Variants in NKAIN3 observed in about 807,000 individuals in gnomAD.
The protein encoded by NKAIN3 is sodium/potassium transporting ATPase interacting 3, also known as sodium/potassium-transporting ATPase subunit beta-1-interacting protein 3.
In NKAIN3, 25 loss-of-function variants were observed where a neutral mutation model predicts 30.2. That is an observed-to-expected ratio of 0.83 (90% confidence interval 0.60 to 1.16). The LOEUF is 1.16. Among genes scored for constraint, NKAIN3 ranks in the 50% most tolerant of loss-of-function variants. The pLI is 0.00. For missense variants in NKAIN3, 225 were observed against 254.1 expected, an observed-to-expected ratio of 0.89 and a Z score of 0.78; for synonymous variants, 91 against 89.6, an observed-to-expected ratio of 1.02 and a Z score of -0.09.
chr8:62,306,328 G>A (rs1229542190), intron 1 of NKAIN3, among the ~76,000 whole-genome samples: 4 of 149,886 alleles, frequency 2.7e-5, no homozygotes, highest in Non-Finnish European at 5.9e-5. Context: ...AAGGGGAGGT[G>A]GGCAGTAATT....
In NKAIN3 at chr8:62,967,032, A is replaced by G. The variant is rs920560354; in HGVS notation, c.*1625A>G. 2.0e-5 allele frequency among the ~76,000 whole-genome samples: 3 copies of G among 152,216 alleles called. No individual in the cohort carries two copies. The highest frequency in any genetic ancestry group is 4.4e-5 in the Non-Finnish European group (3 of 68,038). ...AGACCTAATTTACTCACTAGCCTCC[A>G]GATTTTACCCCTTTAATCCATTGGT... On this transcript the variant is annotated 3_prime_UTR_variant, in exon 7 of 7. Transcript: ENST00000623646.
intron 4 of NKAIN3, among the ~76,000 whole-genome samples, chr8:62,846,993 C>T (rs1200458435): frequency 1.3e-5 from 2 of 152,144 alleles, no homozygotes; most frequent in East Asian, 3.9e-4. Context: ...CAGAAACTGC[C>T]CCCGTGATTC....
chr8:62,933,162 G>C (rs1822673292), intron 5 of NKAIN3, among the ~76,000 whole-genome samples: 1 of 152,064 alleles, frequency 6.6e-6, no homozygotes, highest in Non-Finnish European at 1.5e-5. Flanking sequence ...AGTTTTCTTT[G>C]AACAGCAATT....
At chr8:62,803,848 A>C (rs1312029397) in intron 4 of NKAIN3, among the ~76,000 whole-genome samples, 1 of 152,234 alleles carries the variant, frequency 6.6e-6, no homozygotes, top group Non-Finnish European at 1.5e-5. Context: ...AAGGATCAAC[A>C]AAATTGATAG....
intron 3 of NKAIN3, among the ~76,000 whole-genome samples, chr8:62,710,528 A>G (rs369519918): frequency 6.6e-6 from 1 of 152,176 alleles, no homozygotes; most frequent in African/African-American, 2.4e-5. Flanking sequence ...TACCTAATAT[A>G]AGAATAGCTA....
chr8:62,452,182 C>G (rs563453768), intron 1 of NKAIN3, among the ~76,000 whole-genome samples: 1 of 152,252 alleles, frequency 6.6e-6, no homozygotes, highest in Admixed American at 6.5e-5. Context: ...CCCTTTAAAA[C>G]TAGAATTTAC....
At chr8:62,548,737 A>T (rs1374915531) in intron 1 of NKAIN3, among the ~76,000 whole-genome samples, 1 of 151,388 alleles carries the variant, frequency 6.6e-6, no homozygotes, top group Non-Finnish European at 1.5e-5. Flanking sequence ...GTTTACAATT[A>T]TATGTATGTA....
chr8:62,614,548 C>T lies in NKAIN3; in HGVS notation c.273+24754C>T, dbSNP rs984768417. Among the ~76,000 whole-genome samples, 7 of 152,140 alleles carry T rather than the reference C, an allele frequency of 4.6e-5. 1 individual carries two copies. Among genetic ancestry groups the T allele is most frequent in the Middle Eastern group, 3.2e-3 (1 of 316 alleles). ...TAAGGCCCTGAGGATCTACAATCAG[C>T]AGGTGGCAAAACCAACTAGGCCTGT... is the stretch of plus-strand genomic sequence containing the variant. On this transcript the variant is annotated intron_variant, in intron 3 of 6. Coordinates refer to ENST00000623646, the MANE Select transcript of NKAIN3 (RefSeq NM_001304533.3).
chr8:62,301,776 A>G (rs1010327715), intron 1 of NKAIN3, among the ~76,000 whole-genome samples: 2 of 152,112 alleles, frequency 1.3e-5, no homozygotes, highest in African/African-American at 4.8e-5. Context: ...TCTAAATATA[A>G]TTAGTTTTTC....
chr8:62,981,564 A>T lies in NKAIN3; in HGVS notation c.*16157A>T, dbSNP rs1824078124. 1 of 152,188 alleles carries T rather than the reference A, an allele frequency of 6.6e-6. No individual in the cohort carries two copies. Among genetic ancestry groups the T allele is most frequent in the African/African-American group, 2.4e-5 (1 of 41,444 alleles). 9.4% of individuals were successfully genotyped at this position (152,188 alleles called of 1,614,324 possible). On this transcript the variant is annotated 3_prime_UTR_variant, in exon 7 of 7. Transcript: ENST00000623646. ...ATCCTGTGGTAGGAACTTAGGAGTG[A>T]TAACTCACATTGAGAACTTGTGATC...
intron 1 of NKAIN3, among the ~76,000 whole-genome samples, chr8:62,295,703 C>T (rs1813804082): frequency 6.6e-6 from 1 of 152,028 alleles, no homozygotes; most frequent in South Asian, 2.1e-4. Flanking sequence ...CTATTAGCTC[C>T]CCTCTTCGGG....
intron 3 of NKAIN3, among the ~76,000 whole-genome samples, chr8:62,743,858 T>C (rs1282055865): frequency 6.6e-6 from 1 of 152,238 alleles, no homozygotes; most frequent in Non-Finnish European, 1.5e-5. Context: ...CTTCTCTGTG[T>C]GGCATTTCTT....
chr8:62,435,117 C>T (rs1805128489), intron 1 of NKAIN3, among the ~76,000 whole-genome samples: 1 of 152,082 alleles, frequency 6.6e-6, no homozygotes, highest in African/African-American at 2.4e-5. Flanking sequence ...TTCTGGTCAG[C>T]GCTGACACCT....
intron 1 of NKAIN3, among the ~76,000 whole-genome samples, chr8:62,314,587 T>A (rs987201945): frequency 6.6e-6 from 1 of 152,164 alleles, no homozygotes. Flanking sequence ...CCAATTTGAG[T>A]GTTAGCCTGT....
At chr8:62,641,230 T>A (rs1359413472) in intron 3 of NKAIN3, among the ~76,000 whole-genome samples, 2 of 152,110 alleles carry the variant, frequency 1.3e-5, no homozygotes, top group Non-Finnish European at 2.9e-5. Flanking sequence ...AGCTCCCAAA[T>A]ACAGTTATGT....
chr8:62,481,228 C>T (rs1403845367), intron 1 of NKAIN3, among the ~76,000 whole-genome samples: 2 of 152,084 alleles, frequency 1.3e-5, no homozygotes, highest in East Asian at 1.9e-4. Flanking sequence ...TCATCTCATA[C>T]TTAATGCTCC....
intron 4 of NKAIN3, among the ~76,000 whole-genome samples, chr8:62,851,116 T>A (rs1819881807): frequency 6.6e-6 from 1 of 152,094 alleles, no homozygotes. Context: ...TTTGCTTGTA[T>A]CCTCTTTTAT....
chr8:62,489,724 T>C (rs910762278), intron 1 of NKAIN3, among the ~76,000 whole-genome samples: 51 of 152,352 alleles, frequency 3.3e-4, no homozygotes, highest in African/African-American at 1.2e-3. Context: ...CTGTGTTTAA[T>C]ATAACTCGTA....
At chr8:62,650,522 T>C (rs998250690) in intron 3 of NKAIN3, among the ~76,000 whole-genome samples, 4 of 152,218 alleles carry the variant, frequency 2.6e-5, no homozygotes, top group African/African-American at 9.6e-5. Context: ...TGTATGCTTC[T>C]GTGTTTTTAT....
Sources: gnomAD v4.1 joint callset for allele counts (sites outside exome capture counted in the v4.1 genomes callset) on GRCh38, gnomAD v4.1.1 for gene constraint, MANE v1.5 for transcripts, NCBI Gene and HGNC (gene_info 2026-07-23, HGNC 2026-07-21) for gene names.